Variants in ARL15 observed in about 807,000 individuals in gnomAD.
ARL15 encodes the protein ADP-ribosylation factor-like protein 15.
Under a neutral mutation model 25.2 loss-of-function variants are expected in ARL15, and 19 were observed. The ratio of observed to expected loss-of-function variants is 0.75; its 90% CI spans 0.53 to 1.10. The LOEUF is 1.10. Among genes scored for constraint, ARL15 ranks in the 50% least tolerant of loss-of-function variants. ARL15 has a pLI of 0.00. For missense variants in ARL15, 220 were observed against 246.0 expected (o/e 0.89, Z 0.71); for synonymous variants, 94 against 86.8 (o/e 1.08, Z -0.46).
intron 4 of ARL15, among the ~76,000 whole-genome samples, chr5:53,960,268 A>C (rs945408684): frequency 7.2e-5 from 11 of 152,226 alleles, no homozygotes; most frequent in East Asian, 3.8e-4. Flanking sequence ...CATATTCTAA[A>C]GGGATATTAA....
chr5:54,046,786 T>A (rs986065056), intron 4 of ARL15, among the ~76,000 whole-genome samples: 1 of 152,074 alleles, frequency 6.6e-6, no homozygotes, highest in Non-Finnish European at 1.5e-5. Context: ...GGGAGCCACA[T>A]GGTGGGAAAA....
At chr5:53,967,318 A>G (rs559813192) in intron 4 of ARL15, among the ~76,000 whole-genome samples, 1 of 152,358 alleles carries the variant, frequency 6.6e-6, no homozygotes, top group African/African-American at 2.4e-5. Flanking sequence ...TCTCTCTTCA[A>G]AATTTCACTA....
At chr5:54,249,827 T>C (rs1757195341) in intron 1 of ARL15, among the ~76,000 whole-genome samples, 2 of 152,170 alleles carry the variant, frequency 1.3e-5, no homozygotes, top group African/African-American at 4.8e-5. Context: ...CCAACAGGGC[T>C]ATAGCAGTTT....
At chr5:54,308,498 G>T (rs1251905045) in intron 1 of ARL15, among the ~76,000 whole-genome samples, 3 of 152,180 alleles carry the variant, frequency 2.0e-5, no homozygotes, top group Non-Finnish European at 4.4e-5. Context: ...ACACAAAGCT[G>T]TTAGTAAATT....
chr5:53,979,360 T>G (rs1459509878), intron 4 of ARL15, among the ~76,000 whole-genome samples: 1 of 151,898 alleles, frequency 6.6e-6, no homozygotes, highest in Non-Finnish European at 1.5e-5. Context: ...TAGTGAGACC[T>G]CATCTCTACA....
intron 4 of ARL15, among the ~76,000 whole-genome samples, chr5:54,026,113 T>G (rs912438033): frequency 6.6e-6 from 1 of 152,242 alleles, no homozygotes; most frequent in Non-Finnish European, 1.5e-5. Context: ...ACTGAGTTAA[T>G]GCTGAATTTT....
intron 1 of ARL15, among the ~76,000 whole-genome samples, chr5:54,260,508 T>C (rs558775035): frequency 6.6e-6 from 1 of 152,282 alleles, no homozygotes; most frequent in Admixed American, 6.5e-5. Context: ...AGAAGCTCCA[T>C]TCATATTAAC....
intron 4 of ARL15, among the ~76,000 whole-genome samples, chr5:54,059,103 A>G (rs2112022241): frequency 6.6e-6 from 1 of 152,378 alleles, no homozygotes; most frequent in Middle Eastern, 3.4e-3. Flanking sequence ...AGCCACTTAT[A>G]TAAACCCTCC....
chr5:54,116,583 T>C (rs1752906555), intron 3 of ARL15, among the ~76,000 whole-genome samples: 1 of 152,170 alleles, frequency 6.6e-6, no homozygotes, highest in African/African-American at 2.4e-5. Flanking sequence ...CATAGCCAAC[T>C]AATGCCCACA....
chr5:54,247,703 G>A (rs1211118045), intron 1 of ARL15, among the ~76,000 whole-genome samples: 1 of 151,958 alleles, frequency 6.6e-6, no homozygotes, highest in African/African-American at 2.4e-5. Flanking sequence ...AAATGGAACA[G>A]GTGAGTCTAT....
intron 2 of ARL15, among the ~76,000 whole-genome samples, chr5:54,163,129 T>G (rs779447840): frequency 5.9e-5 from 9 of 152,052 alleles, no homozygotes; most frequent in Non-Finnish European, 8.8e-5. Context: ...GTTTTTTTTG[T>G]TTTTGTTTTT....
chr5:54,217,753 T>G (rs1256418909), intron 1 of ARL15, among the ~76,000 whole-genome samples: 2 of 152,194 alleles, frequency 1.3e-5, no homozygotes, highest in African/African-American at 4.8e-5. Context: ...ATGCAAAGTT[T>G]AAGTGAGAAA....
intron 4 of ARL15, among the ~76,000 whole-genome samples, chr5:54,067,761 T>C (rs1751288087): frequency 6.6e-6 from 1 of 152,208 alleles, no homozygotes; most frequent in Non-Finnish European, 1.5e-5. Context: ...TCAATAAATG[T>C]TAGGTGAATG....
At chr5:53,967,107 C>T (rs576259510) in intron 4 of ARL15, among the ~76,000 whole-genome samples, 61 of 152,242 alleles carry the variant, frequency 4.0e-4, no homozygotes, top group South Asian at 8.3e-4. Context: ...AATAGACATA[C>T]ATATTGGAAT....
chr5:54,041,285 A>AT (rs1216931174), intron 4 of ARL15, among the ~76,000 whole-genome samples: 4 of 152,106 alleles, frequency 2.6e-5, no homozygotes, highest in African/African-American at 4.8e-5. Context: ...AGGAAACACA[A>AT]TTTTTTTCCA....
chr5:54,184,699 C>T (rs1199268123), intron 1 of ARL15, among the ~76,000 whole-genome samples: 1 of 151,482 alleles, frequency 6.6e-6, no homozygotes, highest in Non-Finnish European at 1.5e-5. Context: ...CTATTCTTCA[C>T]TTAACAATCT....
chr5:54,106,253 A>AACC (rs1752586825), intron 4 of ARL15, among the ~76,000 whole-genome samples: 1 of 152,208 alleles, frequency 6.6e-6, no homozygotes, highest in Non-Finnish European at 1.5e-5. Context: ...AAGCAATATT[A>AACC]ACAGGTCAGG....
At position 54,238,118 on chromosome 5, in the gene ARL15, C is replaced by T. The variant is rs193288426; in HGVS notation, c.49-66190G>A. ...TCCATATCACTAACTCCCCAACATC[C>T]TTCCTGGCATTATGGTTACCCCACC... is the stretch of plus-strand genomic sequence containing the variant. On this transcript the variant is annotated intron_variant, in intron 1 of 4. Coordinates refer to ENST00000504924, the MANE Select transcript of ARL15 (RefSeq NM_019087.3). Among the ~76,000 whole-genome samples the T allele has an allele frequency of 2.4e-3, 365 of 152,274 alleles. 2 individuals carry two copies. Among genetic ancestry groups the T allele is most frequent in the Non-Finnish European group, 4.1e-3 (278 of 68,022 alleles).
chr5:54,291,480 AT>A (rs1451282392), intron 1 of ARL15, among the ~76,000 whole-genome samples: 1 of 152,160 alleles, frequency 6.6e-6, no homozygotes. Flanking sequence ...TATTTTTTAT[AT>A]TTTTTGTTCA....
Sources: allele counts gnomAD v4.1 joint callset (sites outside exome capture counted in the v4.1 genomes callset), GRCh38; gene constraint gnomAD v4.1.1; transcripts MANE v1.5; gene names NCBI Gene and HGNC (gene_info 2026-07-23, HGNC 2026-07-21).